Variants in ZNF263 observed in about 807,000 individuals in gnomAD.
The protein encoded by ZNF263 is zinc finger protein 263, also known as zinc finger protein FPM315.
ZNF263 carries 49 observed loss-of-function variants against 63.1 expected under a neutral mutation model. That is an observed-to-expected ratio of 0.78 (90% CI 0.62 to 0.99). The LOEUF (loss-of-function observed/expected upper bound fraction) is 0.99, where lower values mean the gene tolerates loss of function less well. ZNF263 is among the 50% of genes least tolerant of loss of function. The pLI, the probability that ZNF263 is intolerant of heterozygous loss-of-function variation, is 0.00. For missense variants in ZNF263, 872 were observed against 854.8 expected, an observed-to-expected ratio of 1.02 and a Z score of -0.25; for synonymous variants, 352 against 324.2, an observed-to-expected ratio of 1.09 and a Z score of -0.92.
chr16:3,299,465 C>T (rs1959868208), intron 2 of ZNF263: 1 of 1,552,096 alleles, frequency 6.4e-7, no homozygotes, highest in Non-Finnish European at 8.7e-7. Context: ...CAACTTTTTG[C>T]CCAGTTAAAA....
chr16:3,286,001 A>G (rs1301808297), intron 3 of ZNF263, 22 bp from the exon 4 acceptor site: 2 of 1,613,886 alleles, frequency 1.2e-6, no homozygotes, highest in Middle Eastern at 1.6e-4. Flanking sequence ...CAGGGGCTAA[A>G]GGAGATCTTG....
Position 3,290,516 on chromosome 16 carries a change from G to C in ZNF263, c.2010G>C (p.Arg670=). The change falls in exon 6 of 6, where the codon CGG becomes CGC. Residue 670 remains arginine (R), a synonymous_variant. Transcript: ENST00000219069. ...KCSECGESFS[R]SSRLMSHQRT... ...CTGAATGTGGAGAAAGCTTCTCTCG[G>C]AGTTCCCGTCTTATGAGTCATCAGA... is the stretch of plus-strand genomic sequence containing the variant. The C allele has an allele frequency of 6.2e-7, 1 of 1,613,822 alleles. No homozygotes were observed. Among genetic ancestry groups the C allele is most frequent in the East Asian group, 2.2e-5 (1 of 44,876 alleles).
intron 1 of ZNF263, among the ~76,000 whole-genome samples, chr16:3,298,635 C>G (rs1027565312): frequency 1.3e-5 from 2 of 151,954 alleles, no homozygotes; most frequent in African/African-American, 4.8e-5. Context: ...CTAATTTATC[C>G]TTATCTTAAA....
chr16:3,295,554 G>T (rs1959720562), downstream of ZNF263, among the ~76,000 whole-genome samples: 1 of 152,072 alleles, frequency 6.6e-6, no homozygotes, highest in Non-Finnish European at 1.5e-5. Flanking sequence ...CGGGAGGCGC[G>T]GAGGGCCGAG....
downstream of ZNF263, among the ~76,000 whole-genome samples, chr16:3,293,652 C>A (rs547960227): frequency 9.8e-5 from 15 of 152,326 alleles, no homozygotes; most frequent in African/African-American, 3.6e-4. Context: ...AGCCACACAT[C>A]CTTAGCAAAG....
intron 4 of ZNF263, among the ~76,000 whole-genome samples, chr16:3,287,038 C>G (rs920534405): frequency 2.0e-5 from 3 of 152,142 alleles, no homozygotes; most frequent in Non-Finnish European, 4.4e-5. Context: ...TATGATGATG[C>G]CACTGCACCT....
At chr16:3,293,496 A>T (rs531932004), downstream of ZNF263, 2 of 152,346 alleles carry the variant, frequency 1.3e-5, no homozygotes, top group Admixed American at 1.3e-4. Flanking sequence ...TACTTTGCCC[A>T]CTAGGGCTCT....
At chr16:3,299,745 C>T in intron 2 of ZNF263, 1 of 1,544,062 alleles carries the variant, frequency 6.5e-7, no homozygotes, top group Non-Finnish European at 8.7e-7. Context: ...GTAACAATGC[C>T]CTGACGTCCT....
chr16:3,289,482 G>T lies in ZNF263; in HGVS notation c.976G>T (p.Gly326Trp), dbSNP rs759529561. The T allele has an allele frequency of 1.3e-6, 2 of 1,549,790 alleles. No individual in the cohort carries two copies. Among genetic ancestry groups the T allele is most frequent in the Non-Finnish European group, 1.7e-6 (2 of 1,149,768 alleles). Residue 326 changes from glycine (G) to tryptophan (W), a missense_variant, in exon 6 of 6, where the codon GGG becomes TGG. Physicochemically the swap from Gly to Trp is radical, Grantham distance 184 (BLOSUM62 -2). Transcript: ENST00000219069. Reference sequence around the variant, plus strand: ...GGTGCTGCTTCCTGACCAGGCCCGAGGGGAGGTGCCCTGGAGTCCTGAGCT... The same window carrying T: ...GGTGCTGCTTCCTGACCAGGCCCGATGGGAGGTGCCCTGGAGTCCTGAGCT... ...PQVLLPDQAR[G>W]EVPWSPELGR...
intron 1 of ZNF263, chr16:3,298,794 AAC>A (rs1324222491): frequency 5.4e-5 from 21 of 389,534 alleles, no homozygotes; most frequent in Admixed American, 4.0e-4. Flanking sequence ...GAATTTATGA[AAC>A]ACAAATTTAA....
At chr16:3,287,405 CTTTTT>C (rs34751211) in intron 4 of ZNF263, among the ~76,000 whole-genome samples, 1 of 97,868 alleles carries the variant, frequency 1.0e-5, no homozygotes, top group Non-Finnish European at 2.0e-5. Flanking sequence ...CACACCCGGC[CTTTTT>C]TTTTTTTTTT....
chr16:3,291,670 A>G (rs535687042), downstream of ZNF263, among the ~76,000 whole-genome samples: 5 of 152,336 alleles, frequency 3.3e-5, no homozygotes, highest in South Asian at 1.0e-3. Context: ...GGTCAAGCCA[A>G]ATGGCTGCTG....
chr16:3,286,719 C>T (rs1959372937), intron 4 of ZNF263: 1 of 152,246 alleles, frequency 6.6e-6, no homozygotes, highest in South Asian at 2.1e-4. Context: ...TTACCTATGT[C>T]TTGTACTGTA....
intron 2 of ZNF263, 144 bp downstream of exon 2, chr16:3,285,383 G>C (rs754809128): frequency 1.3e-5 from 13 of 1,032,406 alleles, no homozygotes; most frequent in African/African-American, 4.8e-5. Flanking sequence ...CCTGCAGTTG[G>C]TGGTGTGGGT....
intron 4 of ZNF263, 187 bp downstream of exon 4, chr16:3,286,336 C>T (rs944286205): frequency 1.3e-6 from 1 of 786,778 alleles, no homozygotes; most frequent in Non-Finnish European, 1.8e-6. Flanking sequence ...GCACAGGCAG[C>T]CCGGGACTGG....
intron 1 of ZNF263, among the ~76,000 whole-genome samples, chr16:3,296,962 A>G (rs1044257142): frequency 6.6e-6 from 1 of 152,200 alleles, no homozygotes; most frequent in African/African-American, 2.4e-5. Flanking sequence ...TAAGATAGTA[A>G]GAATAGCTTG....
Position 3,290,436 on chromosome 16 carries a change from T to A in ZNF263, c.1930T>A (p.Ser644Thr), listed in dbSNP as rs1959569836. 2 of 1,614,056 alleles carry A rather than the reference T, an allele frequency of 1.2e-6. No individual in the cohort carries two copies. Among genetic ancestry groups the A allele is most frequent in the Non-Finnish European group, 1.7e-6 (2 of 1,180,018 alleles). The change falls in exon 6 of 6, where the codon TCC (serine) becomes ACC (threonine). Residue 644 changes from serine (S) to threonine (T), a missense_variant. Physicochemically the swap from Ser to Thr is moderately conservative, Grantham distance 58 (BLOSUM62 1). Transcript: ENST00000219069. ...GTGCGGAGACAGCTTCTCTCACAGC[T>A]CCAATCGGATTCGCCACCTGAGAAC... ...HECGDSFSHS[S>T]NRIRHLRTHT...
chr16:3,290,551 C>G lies in ZNF263; in HGVS notation c.2045C>G (p.Thr682Arg), dbSNP rs1038898486. Reference protein sequence around the residue: ...SRLMSHQRTHTG With the variant: ...SRLMSHQRTHRG Reference sequence around the variant, plus strand: ...CTTATGAGTCATCAGAGAACTCACACAGGTTAGTAACAGTGGGGTTTCTCT... The same window carrying G: ...CTTATGAGTCATCAGAGAACTCACAGAGGTTAGTAACAGTGGGGTTTCTCT... The change falls in exon 6 of 6, where the codon ACA becomes AGA. Residue 682 changes from threonine (T) to arginine (R), a missense_variant. By Grantham distance (71) the Thr-to-Arg change is moderately conservative. Transcript: ENST00000219069. 1.2e-6 allele frequency: 2 copies of G among 1,608,880 alleles called. No homozygotes were observed. The highest frequency in any genetic ancestry group is 1.7e-5 in the Admixed American group (1 of 59,558).
At chr16:3,300,169 A>G in intron 2 of ZNF263, 1 of 1,614,228 alleles carries the variant, frequency 6.2e-7, no homozygotes, top group Non-Finnish European at 8.5e-7. Context: ...ATTTTCAGAA[A>G]CTGAACTTAG....
Sources: allele counts gnomAD v4.1 joint callset (sites outside exome capture counted in the v4.1 genomes callset), GRCh38; gene constraint gnomAD v4.1.1; transcripts MANE v1.5; gene names NCBI Gene and HGNC (gene_info 2026-07-23, HGNC 2026-07-21).